SLFN12L: variants seen among roughly 807,000 people sequenced by gnomAD.
SLFN12L encodes schlafen family member 12 like.
SLFN12L carries 34 observed loss-of-function variants against 34.8 expected under a neutral mutation model. The observed-to-expected ratio is 0.98, with a 90% CI of 0.74 to 1.30. The LOEUF is 1.30. Ranked by LOEUF, SLFN12L falls within the 50% of genes most tolerant of loss-of-function variation. The pLI is 0.00. For missense variants in SLFN12L, 703 were observed against 696.2 expected (o/e 1.01, Z -0.11); for synonymous variants, 259 against 247.5 (o/e 1.05, Z -0.44).
intron 1 of SLFN12L, among the ~76,000 whole-genome samples, chr17:35,534,317 G>T (rs910852629): frequency 6.6e-6 from 1 of 151,834 alleles, no homozygotes; most frequent in African/African-American, 2.4e-5. Flanking sequence ...AGCTGAGATC[G>T]TCCCACTGCA....
chr17:35,498,091 G>C, intron 2 of SLFN12L: 1 of 530,190 alleles, frequency 1.9e-6, no homozygotes, highest in Non-Finnish European at 3.3e-6. Flanking sequence ...GGCGGGGCGC[G>C]GGGCTCCAGG....
Position 35,469,779 on chromosome 17 carries a change from C to T in SLFN12L, c.*5144G>A, listed in dbSNP as rs961378777. Among the ~76,000 whole-genome samples the T allele has an allele frequency of 4.6e-5, 7 of 152,264 alleles. No individual in the cohort carries two copies. Among genetic ancestry groups the T allele is most frequent in the Non-Finnish European group, 1.0e-4 (7 of 68,010 alleles). ...TACTCACACATCGAGCCAATATTTTCCCTACCCTACATAAACCCAGGGCCA... is the reference window on the plus strand; with the variant it reads ...TACTCACACATCGAGCCAATATTTTTCCTACCCTACATAAACCCAGGGCCA... On this transcript the variant is annotated 3_prime_UTR_variant, in exon 5 of 5. Transcript: ENST00000628453.
chr17:35,490,783 C>G, intron 2 of SLFN12L: 3 of 1,488,968 alleles, frequency 2.0e-6, no homozygotes, highest in Non-Finnish European at 2.8e-6. Flanking sequence ...GAAAGCCCCT[C>G]CAGAAATAAG....
chr17:35,480,113 C>T lies in SLFN12L; in HGVS notation c.169G>A (p.Val57Ile). The change falls in exon 3 of 5, where the codon GTT becomes ATT. Residue 57 changes from valine (V) to isoleucine (I), a missense_variant. Transcript: ENST00000628453. ...AGAGTGACTCTTCCCACATTTAGAA[C>T]CAGCTCAGCATAGTTTGTGTCTAAA... Reference protein sequence around the residue: ...IDLDTNYAELVLNVGRVTLGE... With the variant: ...IDLDTNYAELILNVGRVTLGE... 1 of 1,614,072 alleles carries T rather than the reference C, an allele frequency of 6.2e-7. No individual in the cohort carries two copies.
In SLFN12L at chr17:35,479,254, T is replaced by C; in HGVS notation, c.1028A>G (p.Tyr343Cys). ...GCGTTCCACTCTGAGTGCATACACA[T>C]ATCCACAAAGCCTTCCTTTATCATA... The part of the protein sequence containing the change: ...GVYDKGRLCG[Y>C]VYALRVERFC... The change falls in exon 3 of 5, where the codon TAT (tyrosine) becomes TGT (cysteine). Residue 343 changes from tyrosine to cysteine, a missense_variant. Tyr to Cys is a radical substitution (Grantham distance 194). Coordinates refer to ENST00000628453, the MANE Select transcript of SLFN12L (RefSeq NM_001363830.2). 6.3e-7 allele frequency: 1 copy of C among 1,593,418 alleles called. No homozygotes were observed. Among genetic ancestry groups the C allele is most frequent in the Non-Finnish European group, 8.6e-7 (1 of 1,168,346 alleles).
chr17:35,536,038 C>A (rs1350808767), intron 1 of SLFN12L, among the ~76,000 whole-genome samples: 1 of 151,750 alleles, frequency 6.6e-6, no homozygotes, highest in Non-Finnish European at 1.5e-5. Flanking sequence ...AGGCTGTTCT[C>A]AAACTTCTGG....
At chr17:35,514,803 CAAGTCTCTGA>C (rs1915761236) in intron 2 of SLFN12L, 7 of 399,948 alleles carry the variant, frequency 1.8e-5, no homozygotes, top group Non-Finnish European at 2.9e-5. Flanking sequence ...CCAGCACTTA[CAAGTCTCTGA>C]TTAACTGGTA....
chr17:35,482,447 G>A (rs142949660), intron 2 of SLFN12L, among the ~76,000 whole-genome samples: 19 of 152,300 alleles, frequency 1.2e-4, no homozygotes, highest in Non-Finnish European at 2.1e-4. Flanking sequence ...AAGTTGGGAC[G>A]TGAGCTCCCC....
chr17:35,464,845 G>A lies in SLFN12L; in HGVS notation c.*10078C>T, dbSNP rs539440785. Among the ~76,000 whole-genome samples, 9 of 152,224 alleles carry A rather than the reference G, an allele frequency of 5.9e-5. No individual in the cohort carries two copies. The highest frequency in any genetic ancestry group is 1.9e-4 in the African/African-American group (8 of 41,536). ...AAAAGATAGCTAAGGTCGTGATTGG[G>A]TTTAGAACTGTAAGGTTTTTTGTTT... On this transcript the variant is annotated 3_prime_UTR_variant, in exon 5 of 5. Coordinates refer to ENST00000628453, the MANE Select transcript of SLFN12L (RefSeq NM_001363830.2).
Position 35,530,432 on chromosome 17 carries a change from A to G in SLFN12L, c.-606+7141T>C, listed in dbSNP as rs1178448129. 4.6e-3 allele frequency among the ~76,000 whole-genome samples: 43 copies of G among 9,436 alleles called. 7 individuals are homozygous for G. The highest frequency in any genetic ancestry group is 9.0e-3 in the African/African-American group (42 of 4,646). 6.2% of individuals were successfully genotyped at this position (9,436 alleles called of 152,430 possible). Reference sequence around the variant, plus strand: ...AAGGAAGGAAGGAAGGAAGGAAGGGAAGGGAAGGGAAGAAAGAAAGAAAGA... The same window carrying G: ...AAGGAAGGAAGGAAGGAAGGAAGGGGAGGGAAGGGAAGAAAGAAAGAAAGA... On this transcript the variant is annotated intron_variant, in intron 1 of 4. Transcript: ENST00000628453.
chr17:35,490,252 G>T, intron 2 of SLFN12L: 1 of 1,537,632 alleles, frequency 6.5e-7, no homozygotes, highest in Non-Finnish European at 9.0e-7. Context: ...GCGGTCATCA[G>T]TACCTCTCGG....
chr17:35,503,042 T>A (rs1915355455), intron 2 of SLFN12L, among the ~76,000 whole-genome samples: 1 of 152,240 alleles, frequency 6.6e-6, no homozygotes, highest in African/African-American at 2.4e-5. Flanking sequence ...AAATGTTGTA[T>A]AATTTAAAAG....
At chr17:35,518,549 T>TTA (rs1915904565) in intron 2 of SLFN12L, among the ~76,000 whole-genome samples, 1 of 137,878 alleles carries the variant, frequency 7.3e-6, no homozygotes, top group Non-Finnish European at 1.5e-5. Flanking sequence ...AGACTGTATT[T>TTA]AAAAAAAAAA....
rs1915945723 is a variant in SLFN12L at position 35,519,806 on chromosome 17, T to C, written c.86+2473A>G. On this transcript the variant is annotated intron_variant, in intron 2 of 4. Coordinates refer to ENST00000628453, the MANE Select transcript of SLFN12L (RefSeq NM_001363830.2). ...GTCTTCCTCTTGAAAATCTTGAGTA[T>C]GAAAAATAAAATCCTAAGCCCCCCA... Among the ~76,000 whole-genome samples, 8 of 152,104 alleles carry C rather than the reference T, an allele frequency of 5.3e-5. No homozygotes were observed. The South Asian group carries it at 1.7e-3, about 32-fold the overall frequency.
At chr17:35,475,923 AT>A (rs766381656) in intron 4 of SLFN12L, among the ~76,000 whole-genome samples, 1 of 142,948 alleles carries the variant, frequency 7.0e-6, no homozygotes, top group African/African-American at 2.8e-5. Flanking sequence ...ATATATATAT[AT>A]TTTTTTAAAT....
chr17:35,482,330 G>A (rs374912003), intron 2 of SLFN12L, among the ~76,000 whole-genome samples: 28 of 152,330 alleles, frequency 1.8e-4, no homozygotes, highest in African/African-American at 6.3e-4. Flanking sequence ...CTTCTAAAAG[G>A]GACTTCAGAA....
chr17:35,514,508 AT>A (rs35067062), intron 2 of SLFN12L, among the ~76,000 whole-genome samples: 63,869 of 152,088 alleles, frequency 0.42, 15,386 homozygotes, highest in Admixed American at 0.54. Flanking sequence ...TTTTAATCTC[AT>A]GTTTTAGAAA....
chr17:35,515,930 C>T (rs1184234163), intron 2 of SLFN12L, among the ~76,000 whole-genome samples: 1 of 152,088 alleles, frequency 6.6e-6, no homozygotes, highest in African/African-American at 2.4e-5. Context: ...GCGTGAGCCA[C>T]CGCACCCCGC....
chr17:35,512,150 ATTTTTT>A (rs34171279), intron 2 of SLFN12L, among the ~76,000 whole-genome samples: 1 of 69,152 alleles, frequency 1.4e-5, no homozygotes, highest in Non-Finnish European at 2.7e-5. Context: ...AAAAGAGCTG[ATTTTTT>A]TTTTTTTTTT....
Sources: allele counts gnomAD v4.1 joint callset (sites outside exome capture counted in the v4.1 genomes callset), GRCh38; gene constraint gnomAD v4.1.1; transcripts MANE v1.5; gene names NCBI Gene and HGNC (gene_info 2026-07-23, HGNC 2026-07-21).